Variants in POLR2E observed in about 807,000 individuals in gnomAD.
The protein encoded by POLR2E is RNA polymerase II, I and III subunit E.
A neutral mutation model predicts 29.8 loss-of-function variants in POLR2E; 35 were observed. The observed-to-expected ratio is 1.17, with a 90% CI of 0.90 to 1.55. The LOEUF is 1.55. POLR2E is among the 40% of genes most tolerant of loss of function. POLR2E has a pLI of 0.00. For synonymous variants in POLR2E, 174 were observed against 112.6 expected, an observed-to-expected ratio of 1.55 and a Z score of -3.45; for missense variants, 287 against 288.6, an observed-to-expected ratio of 0.99 and a Z score of 0.04.
chr19:1,093,868 G>A (rs750292675), intron 2 of POLR2E, 36 bp downstream of exon 2: 124 of 1,533,818 alleles, frequency 8.1e-5, no homozygotes, highest in Middle Eastern at 2.2e-4. Flanking sequence ...GTGCTCTGGT[G>A]GCTTCACCGG....
At chr19:1,089,164 G>T (rs1325786307) in intron 7 of POLR2E, among the ~76,000 whole-genome samples, 1 of 152,194 alleles carries the variant, frequency 6.6e-6, no homozygotes, top group African/African-American at 2.4e-5. Context: ...CCCTCTTCTG[G>T]AAAGTCCCGC....
chr19:1,089,987 C>A, intron 5 of POLR2E, 25 bp from the exon 6 acceptor site: 3 of 1,595,346 alleles, frequency 1.9e-6, no homozygotes, highest in Non-Finnish European at 2.6e-6. Context: ...CAGGAAAATG[C>A]CAGACAGGGC....
intron 2 of POLR2E, chr19:1,093,630 G>A (rs1392491776): frequency 4.0e-6 from 3 of 747,176 alleles, no homozygotes; most frequent in Non-Finnish European, 5.7e-6. Context: ...AAGGACATGG[G>A]GGGCTGGGGG....
chr19:1,092,731 A>C (rs1182568263), intron 2 of POLR2E, among the ~76,000 whole-genome samples: 2 of 151,476 alleles, frequency 1.3e-5, no homozygotes, highest in East Asian at 3.9e-4. Context: ...AAAAAGAAAA[A>C]GTAGCCAGGT....
chr19:1,094,909 G>T, intron 1 of POLR2E: 1 of 357,082 alleles, frequency 2.8e-6, no homozygotes, highest in Non-Finnish European at 5.1e-6. Flanking sequence ...CAGGACGCAA[G>T]GACAAATAGC....
At chr19:1,094,275 G>C (rs1599797954) in intron 1 of POLR2E, 197 bp from the exon 2 acceptor site, 1 of 541,430 alleles carries the variant, frequency 1.8e-6, no homozygotes, top group Non-Finnish European at 3.2e-6. Context: ...GTATGATCCT[G>C]AGAGGCTCCC....
intron 7 of POLR2E, among the ~76,000 whole-genome samples, chr19:1,089,228 GGA>G (rs1568507304): frequency 1.3e-5 from 2 of 152,224 alleles, no homozygotes; most frequent in African/African-American, 4.8e-5. Flanking sequence ...GGTCAGCGGC[GGA>G]GAGACGCACG....
rs76196306 is a variant in POLR2E at position 1,090,750 on chromosome 19, G to A, written c.429+158C>T. On this transcript the variant is annotated intron_variant, in intron 4 of 7. Transcript: ENST00000615234. ...GCATTTCTAGGAAGCTCCCGGGTTC[G>A]GCTGCTGCAGGCCCAGGGCCACCCT... 1.8e-3 allele frequency among the ~76,000 whole-genome samples: 277 copies of A among 152,142 alleles called. 5 individuals are homozygous for A. Among genetic ancestry groups the A allele is most frequent in the African/African-American group, 6.3e-3 (261 of 41,492 alleles).
At chr19:1,094,846 G>T (rs2043907576) in intron 1 of POLR2E, 1 of 205,022 alleles carries the variant, frequency 4.9e-6, no homozygotes, top group South Asian at 1.1e-4. Context: ...CTCGCCCGCT[G>T]CTTCCCAACC....
rs1312503032 is a variant in POLR2E, at chr19:1,087,514, CCCT to C, written c.*1218_*1220del. 1 of 152,248 alleles carries C rather than the reference CCCT, an allele frequency of 6.6e-6. No homozygotes were observed. Among genetic ancestry groups the C allele is most frequent in the Non-Finnish European group, 1.5e-5 (1 of 68,050 alleles). The allele number at this position is 152,248 out of a possible 1,614,324, so 9.4% of individuals were successfully genotyped here. A position where few individuals can be genotyped will look rare whatever the true frequency, so the allele number is the denominator to read the frequency against. ...GTGCACATGACACACTCTGTCCCCT[CCCT>C]CCTCCCCAGCCCTGGGAACCCCCAT... On this transcript the variant is annotated 3_prime_UTR_variant, in exon 8 of 8. Coordinates refer to ENST00000615234, the MANE Select transcript of POLR2E (RefSeq NM_002695.5).
At position 1,090,536 on chromosome 19, in the gene POLR2E, G is replaced by A. The variant is rs191787714; in HGVS notation, c.429+372C>T. Among the ~76,000 whole-genome samples the A allele has an allele frequency of 5.6e-5, 8 of 142,832 alleles. No individual in the cohort carries two copies. In the East Asian group the frequency reaches 1.2e-3, roughly 22 times the overall value. 93.7% of individuals were successfully genotyped at this position (142,832 alleles called of 152,430 possible). A position where few individuals can be genotyped will look rare whatever the true frequency, so the allele number is the denominator to read the frequency against. ...GCTGGAGTGCAGTGGCACAATCTCG[G>A]CTCCCCGAGTAGCTGGGACTACAGG... On this transcript the variant is annotated intron_variant, in intron 4 of 7. Transcript: ENST00000615234.
At chr19:1,091,754 A>C in intron 3 of POLR2E, 38 bp downstream of exon 3, 1 of 1,069,466 alleles carries the variant, frequency 9.4e-7, no homozygotes, top group Non-Finnish European at 1.3e-6. Flanking sequence ...GAGGCTGGGG[A>C]GGGGGAGAGG....
Position 1,093,758 on chromosome 19 carries a change from CAAGG to C in POLR2E, c.232+142_232+145del, listed in dbSNP as rs763872142. The stretch of plus-strand genomic sequence containing the variant: ...CAGAGATCAACGGCATCACCCACAG[CAAGG>C]AAGGGGAGGGGAGTTTTCCTCCCAG... On this transcript the variant is annotated intron_variant, in intron 2 of 7. Coordinates refer to ENST00000615234, the MANE Select transcript of POLR2E (RefSeq NM_002695.5). The C allele has an allele frequency of 2.7e-5, 38 of 1,414,476 alleles. No homozygotes were observed. In the South Asian group the frequency reaches 3.1e-4, roughly 12 times the overall value. The allele number at this position is 1,414,476 out of a possible 1,614,324, so 87.6% of individuals were successfully genotyped here. A position where few individuals can be genotyped will look rare whatever the true frequency, so the allele number is the denominator to read the frequency against.
intron 6 of POLR2E, 48 bp from the exon 7 acceptor site, chr19:1,089,599 G>A (rs776771288): frequency 2.0e-6 from 3 of 1,497,122 alleles, no homozygotes; most frequent in South Asian, 1.1e-5. Context: ...GGGTCTCACT[G>A]CAGTCACCAG....
chr19:1,089,823 C>T, intron 6 of POLR2E, 61 bp downstream of exon 6: 2 of 1,348,540 alleles, frequency 1.5e-6, no homozygotes, highest in Admixed American at 1.8e-5. Context: ...GGACAGAAGC[C>T]CCCTTCTCCG....
At chr19:1,089,164 G>C (rs1325786307) in intron 7 of POLR2E, among the ~76,000 whole-genome samples, 1 of 152,194 alleles carries the variant, frequency 6.6e-6, no homozygotes, top group African/African-American at 2.4e-5. Flanking sequence ...CCCTCTTCTG[G>C]AAAGTCCCGC....
At chr19:1,091,514 C>T (rs2043829434) in intron 3 of POLR2E, 10 of 488,386 alleles carry the variant, frequency 2.0e-5, no homozygotes, top group Admixed American at 6.7e-5. Context: ...TGCACCAGGC[C>T]GAGGGCTGGA....
At chr19:1,093,814 A>G in intron 2 of POLR2E, 90 bp downstream of exon 2, 2 of 1,452,736 alleles carry the variant, frequency 1.4e-6, no homozygotes, top group Non-Finnish European at 1.8e-6. Flanking sequence ...AATGCTGGGC[A>G]CCAGGCGAGT....
At position 1,089,523 on chromosome 19, in the gene POLR2E, G is replaced by A. The variant is rs780622181; in HGVS notation, c.596C>T (p.Thr199Met). ...CCGGTAGGTGATGTACCTGCCAGCC[G>A]TCTCACTGGGCCGGATGATCTTCAC... ...QVVKIIRPSE[T>M]AGRYITYRLV... Residue 199 changes from threonine to methionine, a missense_variant, in exon 7 of 8, where the codon ACG (threonine) becomes ATG (methionine). Transcript: ENST00000615234. The A allele has an allele frequency of 6.2e-6, 10 of 1,613,718 alleles. No individual in the cohort carries two copies. Among genetic ancestry groups the A allele is most frequent in the East Asian group, 2.2e-5 (1 of 44,898 alleles).
Sources: gnomAD v4.1 joint callset for allele counts (sites outside exome capture counted in the v4.1 genomes callset) on GRCh38, gnomAD v4.1.1 for gene constraint, MANE v1.5 for transcripts, NCBI Gene and HGNC (gene_info 2026-07-23, HGNC 2026-07-21) for gene names.